The following UQCC1 variants were observed in gnomAD, a reference collection of about 807,000 sequenced individuals.
UQCC1 encodes the protein ubiquinol-cytochrome c reductase complex assembly factor 1.
In UQCC1, 38 loss-of-function variants were observed where a neutral mutation model predicts 48.0. The ratio of observed to expected loss-of-function variants is 0.79; its 90% confidence interval spans 0.61 to 1.04. The LOEUF (loss-of-function observed/expected upper bound fraction) is 1.04. UQCC1 is among the 50% of genes least tolerant of loss of function. The probability of loss-of-function intolerance (pLI) is 0.00; values close to 1 mark genes in which losing one functional copy is unlikely to be tolerated. For synonymous variants in UQCC1, 111 were observed against 129.2 expected (o/e 0.86, Z 0.95); for missense variants, 368 against 381.8 (o/e 0.96, Z 0.30).
chr20:35,382,552 G>C (rs1219207560), intron 3 of UQCC1, among the ~76,000 whole-genome samples: 1 of 117,998 alleles, frequency 8.5e-6, no homozygotes, highest in African/African-American at 3.4e-5. Flanking sequence ...TTGCTCTGTC[G>C]CCCAGGCTGG....
At chr20:35,375,562 AAAAGCAAAGC>A (rs1351239015) in intron 4 of UQCC1, among the ~76,000 whole-genome samples, 1 of 152,184 alleles carries the variant, frequency 6.6e-6, no homozygotes, top group African/African-American at 2.4e-5. Context: ...GAAATGCTAG[AAAAGCAAAGC>A]AAATTAAACC....
intron 7 of UQCC1, among the ~76,000 whole-genome samples, chr20:35,339,125 T>C (rs184995726): frequency 2.2e-3 from 326 of 151,496 alleles, no homozygotes; most frequent in African/African-American, 7.6e-3. Flanking sequence ...GTTAGAGAAA[T>C]TGAATCCAAG....
intron 6 of UQCC1, among the ~76,000 whole-genome samples, chr20:35,349,401 A>T (rs2061466250): frequency 6.6e-6 from 1 of 152,232 alleles, no homozygotes; most frequent in South Asian, 2.1e-4. Context: ...GTGTGAAAAG[A>T]CTTATAGGCT....
intron 7 of UQCC1, among the ~76,000 whole-genome samples, chr20:35,333,332 G>A (rs1019578419): frequency 5.9e-5 from 9 of 152,158 alleles, no homozygotes; most frequent in Non-Finnish European, 1.0e-4. Flanking sequence ...AGTATGCACC[G>A]CAACCAAAAT....
intron 7 of UQCC1, among the ~76,000 whole-genome samples, chr20:35,339,898 C>T (rs556868804): frequency 6.6e-6 from 1 of 152,206 alleles, no homozygotes; most frequent in Admixed American, 6.5e-5. Context: ...CATACATCTA[C>T]ACATCCTTTT....
intron 4 of UQCC1, among the ~76,000 whole-genome samples, chr20:35,378,559 G>A (rs2061829629): frequency 6.6e-6 from 1 of 152,174 alleles, no homozygotes; most frequent in Non-Finnish European, 1.5e-5. Flanking sequence ...GAACTTGGGA[G>A]GCAGAGGTTG....
chr20:35,314,749 A>T lies in UQCC1; in HGVS notation c.590T>A (p.Leu197Gln), dbSNP rs199898677. ...GRVMGVNPYILKKNMILMTNH... is the reference protein window; with the variant it reads ...GRVMGVNPYIQKKNMILMTNH... The stretch of plus-strand genomic sequence containing the variant: ...TGTCATGAGGATCATGTTCTTCTTC[A>T]GGATATAGGGATTAACCTACAGAAA... Residue 197 changes from leucine to glutamine, a missense_variant, in exon 8 of 10, where the codon CTG becomes CAG. Leu to Gln is a moderately radical substitution (Grantham distance 113). Transcript: ENST00000374385. 6.3e-5 allele frequency: 102 copies of T among 1,606,334 alleles called. No individual in the cohort carries two copies. Among genetic ancestry groups the T allele is most frequent in the Non-Finnish European group, 2.6e-5 (31 of 1,174,228 alleles).
intron 7 of UQCC1, among the ~76,000 whole-genome samples, chr20:35,320,160 C>T (rs554498165): frequency 1.3e-5 from 2 of 152,332 alleles, no homozygotes; most frequent in South Asian, 2.1e-4. Flanking sequence ...TCCTCTAAGA[C>T]TTAGCACACA....
At chr20:35,398,235 G>C (rs1796816901) in intron 1 of UQCC1, among the ~76,000 whole-genome samples, 1 of 152,172 alleles carries the variant, frequency 6.6e-6, no homozygotes, top group African/African-American at 2.4e-5. Flanking sequence ...ATTGTGGAAA[G>C]TGCCACATAA....
intron 2 of UQCC1, among the ~76,000 whole-genome samples, chr20:35,388,793 G>A (rs572740453): frequency 2.8e-4 from 42 of 152,252 alleles, no homozygotes; most frequent in African/African-American, 9.4e-4. Flanking sequence ...GGCTGGGTGC[G>A]GTGGCTCATG....
At chr20:35,387,865 T>TA (rs1232134255) in intron 2 of UQCC1, among the ~76,000 whole-genome samples, 1 of 151,672 alleles carries the variant, frequency 6.6e-6, no homozygotes, top group Non-Finnish European at 1.5e-5. Context: ...AACAGGAACA[T>TA]AAATAGCAAC....
intron 1 of UQCC1, among the ~76,000 whole-genome samples, chr20:35,397,331 C>T (rs1381430856): frequency 1.2e-4 from 18 of 151,284 alleles, no homozygotes; most frequent in African/African-American, 3.6e-4. Context: ...GTGGCTAACA[C>T]AGTGAAACCC....
intron 1 of UQCC1, among the ~76,000 whole-genome samples, chr20:35,402,902 C>T (rs1188410818): frequency 6.6e-6 from 1 of 150,954 alleles, no homozygotes; most frequent in Non-Finnish European, 1.5e-5. Flanking sequence ...CCCATCTCTA[C>T]TAAAATACAA....
chr20:35,351,550 T>C (rs1304197034), intron 6 of UQCC1, among the ~76,000 whole-genome samples: 1 of 152,194 alleles, frequency 6.6e-6, no homozygotes, highest in African/African-American at 2.4e-5. Context: ...GTTAATCAAA[T>C]CCCTCATGTC....
At chr20:35,336,643 A>T (rs554233842) in intron 7 of UQCC1, among the ~76,000 whole-genome samples, 1 of 152,162 alleles carries the variant, frequency 6.6e-6, no homozygotes, top group South Asian at 2.1e-4. Flanking sequence ...GCCCCATGAA[A>T]CTGATTTCTG....
chr20:35,358,857 G>A (rs572043933), intron 6 of UQCC1, among the ~76,000 whole-genome samples: 1 of 152,246 alleles, frequency 6.6e-6, no homozygotes, highest in East Asian at 1.9e-4. Flanking sequence ...ACCGCGCCTG[G>A]CCTGATGATG....
intron 7 of UQCC1, among the ~76,000 whole-genome samples, chr20:35,320,656 T>C (rs139022168): frequency 5.3e-5 from 8 of 152,284 alleles, no homozygotes; most frequent in Non-Finnish European, 8.8e-5. Flanking sequence ...ATATCCCTAG[T>C]AGAGCCAAGC....
At chr20:35,408,280 C>T (rs1464010297) in intron 1 of UQCC1, among the ~76,000 whole-genome samples, 2 of 151,368 alleles carry the variant, frequency 1.3e-5, no homozygotes, top group African/African-American at 4.9e-5. Flanking sequence ...AATTTAAAAA[C>T]TAGCTGGGTG....
At chr20:35,324,427 C>T (rs957908268) in intron 7 of UQCC1, among the ~76,000 whole-genome samples, 2 of 152,144 alleles carry the variant, frequency 1.3e-5, no homozygotes, top group East Asian at 1.9e-4. Context: ...CCCAGGTTCA[C>T]GCCATTCTCC....
Sources: allele counts gnomAD v4.1 joint callset (sites outside exome capture counted in the v4.1 genomes callset), GRCh38; gene constraint gnomAD v4.1.1; transcripts MANE v1.5; gene names NCBI Gene and HGNC (gene_info 2026-07-23, HGNC 2026-07-21).